Variants in RHOT2 observed in about 807,000 individuals in gnomAD.
RHOT2 encodes ras homolog family member T2.
In RHOT2, 90 loss-of-function variants were observed where a neutral mutation model predicts 81.6. The ratio of observed to expected loss-of-function variants is 1.10; its 90% CI spans 0.93 to 1.31. The LOEUF (loss-of-function observed/expected upper bound fraction) is 1.31. Ranked by LOEUF, RHOT2 falls within the 40% of genes most tolerant of loss-of-function variation. The pLI, the probability that RHOT2 is intolerant of heterozygous loss-of-function variation, is 0.00. For synonymous variants in RHOT2, 512 were observed against 370.9 expected (o/e 1.38, Z -4.37); for missense variants, 1,014 against 841.9 (o/e 1.20, Z -2.53).
intron 4 of RHOT2, chr16:669,146 C>G (rs1031701723): frequency 2.6e-6 from 1 of 386,928 alleles, no homozygotes; most frequent in African/African-American, 2.1e-5. Context: ...GGTCCTGTCA[C>G]TCTGTCTGTA....
intron 16 of RHOT2, 44 bp downstream of exon 16, chr16:672,610 G>T (rs759817228): frequency 6.2e-7 from 1 of 1,610,384 alleles, no homozygotes; most frequent in East Asian, 2.2e-5. Context: ...GGTGGACCCG[G>T]GGACACCCAG....
In RHOT2 at chr16:670,481, T is replaced by C. The variant is rs955413522; in HGVS notation, c.464T>C (p.Ile155Thr). ...VECSAKNLRN[I>T]SELFYYAQKA... ...TGTTCGGCCAAGAACCTGAGGAACA[T>C]CTCAGAGCTGTTCTACTACGCCCAG... Residue 155 changes from isoleucine (I) to threonine (T), a missense_variant, in exon 8 of 19, where the codon ATC (isoleucine) becomes ACC (threonine). Coordinates refer to ENST00000315082, the MANE Select transcript of RHOT2 (RefSeq NM_138769.3). 9 of 1,608,082 alleles carry C rather than the reference T, an allele frequency of 5.6e-6. No homozygotes were observed. Among genetic ancestry groups the C allele is most frequent in the Non-Finnish European group, 7.6e-6 (9 of 1,177,390 alleles).
intron 11 of RHOT2, 36 bp from the exon 12 acceptor site, chr16:671,661 C>T (rs543016065): frequency 1.3e-6 from 2 of 1,597,210 alleles, no homozygotes; most frequent in East Asian, 2.2e-5. Context: ...GCTGCAGAGT[C>T]TCCTGGGAGC....
At position 671,798 on chromosome 16, in the gene RHOT2, T is replaced by TCTCCTG. The variant is rs1567250931; in HGVS notation, c.954+18_954+19insTCCTGC. 6.4e-7 allele frequency: 1 copy of TCTCCTG among 1,553,152 alleles called. No individual in the cohort carries two copies. Among genetic ancestry groups the TCTCCTG allele is most frequent in the African/African-American group, 1.4e-5 (1 of 70,370 alleles). On this transcript the variant is annotated intron_variant, in intron 12 of 18. Transcript: ENST00000315082. ...CACGACCAGGTGAGAGCATGGCGAG[T>TCTCCTG]CCCCTGCCCCTGCCCCCGCCCCCTC...
At position 672,189 on chromosome 16, in the gene RHOT2, C is replaced by T. The variant is rs768966552; in HGVS notation, c.1195+8C>T. Reference sequence around the variant, plus strand: ...AGGCCCATGCCATCACAGGTAGGCACCCACCCTCCCTGGGCCTGGGCCCAG... The same window carrying T: ...AGGCCCATGCCATCACAGGTAGGCATCCACCCTCCCTGGGCCTGGGCCCAG... On this transcript the variant is annotated splice_region_variant and intron_variant, in intron 14 of 18. Transcript: ENST00000315082. The T allele has an allele frequency of 1.9e-6, 3 of 1,612,680 alleles. No homozygotes were observed. The highest frequency in any genetic ancestry group is 1.1e-5 in the South Asian group (1 of 91,080).
chr16:671,697 G>T lies in RHOT2; in HGVS notation c.870G>T (p.Leu290=). Residue 290 remains leucine, a splice_region_variant and synonymous_variant, in exon 12 of 19, where the codon CTG becomes CTT. Coordinates refer to ENST00000315082, the MANE Select transcript of RHOT2 (RefSeq NM_138769.3). ...LELTADYLSP[L]IHVPPGCSTE... ...TAGACGGGCTGTGGCCTCCCTGCAG[G>T]ATCCACGTGCCCCCCGGCTGCAGCA... The T allele has an allele frequency of 6.2e-7, 1 of 1,611,784 alleles. No homozygotes were observed. The highest frequency in any genetic ancestry group is 8.5e-7 in the Non-Finnish European group (1 of 1,179,304).
At position 669,549 on chromosome 16, in the gene RHOT2, T is replaced by C; in HGVS notation, c.223-4T>C. On this transcript the variant is annotated splice_region_variant and splice_polypyrimidine_tract_variant and intron_variant, in intron 4 of 18. Coordinates refer to ENST00000315082, the MANE Select transcript of RHOT2 (RefSeq NM_138769.3). The stretch of plus-strand genomic sequence containing the variant: ...TCACCCACACCTCATCACTGTTCCC[T>C]CAGGCAAACGTGGTGTGTGTGGTGT... 6.2e-7 allele frequency: 1 copy of C among 1,611,734 alleles called. No homozygotes were observed. Among genetic ancestry groups the C allele is most frequent in the South Asian group, 1.1e-5 (1 of 90,912 alleles).
Position 672,178 on chromosome 16 carries a change from A to C in RHOT2, c.1192A>C (p.Thr398Pro). 6.2e-7 allele frequency: 1 copy of C among 1,612,532 alleles called. No homozygotes were observed. The highest frequency in any genetic ancestry group is 8.5e-7 in the Non-Finnish European group (1 of 1,179,892). The change falls in exon 14 of 19, where the codon ACA (threonine) becomes CCA (proline). Residue 398 changes from threonine to proline, a missense_variant. Transcript: ENST00000315082. ...TGAGCAGGACCAGGCCCATGCCATCACAGGTAGGCACCCACCCTCCCTGGG... is the reference window on the plus strand; with the variant it reads ...TGAGCAGGACCAGGCCCATGCCATCCCAGGTAGGCACCCACCCTCCCTGGG... Reference protein sequence around the residue: ...LCEQDQAHAITVTREKRLDQE... With the variant: ...LCEQDQAHAIPVTREKRLDQE...
chr16:673,263 G>A (rs1277240713), intron 18 of RHOT2, 133 bp downstream of exon 18: 2 of 1,274,176 alleles, frequency 1.6e-6, no homozygotes, highest in South Asian at 2.5e-5. Flanking sequence ...GTGGCGTCAG[G>A]CCTGGAACTG....
Position 671,922 on chromosome 16 carries a change from G to T in RHOT2, c.1017G>T (p.Ala339=), listed in dbSNP as rs201093612. 1 of 1,610,112 alleles carries T rather than the reference G, an allele frequency of 6.2e-7. No homozygotes were observed. Among genetic ancestry groups the T allele is most frequent in the African/African-American group, 1.3e-5 (1 of 74,200 alleles). ...LQSLFSVFPA[A]PWGPELPRTV... ...GCCTTTTCAGTGTGTTCCCAGCAGC[G>T]CCCTGGGGCCCCGAGCTCCCACGCA... Residue 339 remains alanine (A), a synonymous_variant, in exon 13 of 19, where the codon GCG becomes GCT. Coordinates refer to ENST00000315082, the MANE Select transcript of RHOT2 (RefSeq NM_138769.3).
rs1330292402 is a variant in RHOT2 at position 673,981 on chromosome 16, C to T, written c.*375C>T. ...CCCCCCTTTCCTGGTCCTAGGTGGCCAGTGGGTATGAGGAGGGCTGGAAGG... is the reference window on the plus strand; with the variant it reads ...CCCCCCTTTCCTGGTCCTAGGTGGCTAGTGGGTATGAGGAGGGCTGGAAGG... On this transcript the variant is annotated 3_prime_UTR_variant, in exon 19 of 19. Coordinates refer to ENST00000315082, the MANE Select transcript of RHOT2 (RefSeq NM_138769.3). 6 of 448,828 alleles carry T rather than the reference C, an allele frequency of 1.3e-5. No individual in the cohort carries two copies. Among genetic ancestry groups the T allele is most frequent in the Non-Finnish European group, 2.6e-5 (6 of 229,326 alleles). The allele number at this position is 448,828 out of a possible 1,614,324, so 27.8% of individuals were successfully genotyped here. A position where few individuals can be genotyped will look rare whatever the true frequency, so the allele number is the denominator to read the frequency against.
chr16:668,520 C>G lies in RHOT2; in HGVS notation c.129C>G (p.Pro43=). The G allele has an allele frequency of 1.2e-6, 2 of 1,610,212 alleles. No individual in the cohort carries two copies. The highest frequency in any genetic ancestry group is 1.7e-6 in the Non-Finnish European group (2 of 1,178,914). The change falls in exon 3 of 19, where the codon CCC becomes CCG. Residue 43 remains proline (P), a synonymous_variant. Coordinates refer to ENST00000315082, the MANE Select transcript of RHOT2 (RefSeq NM_138769.3). ...VPPRAEEITI[P]ADVTPEKVPT... ...CCCGCGCGGAGGAGATCACCATCCC[C>G]GCGGACGTCACCCCGGAGAAGGTGC...
rs1050519535 is a variant in RHOT2, at chr16:671,450, C to T, written c.869+247C>T. ...CCCTTTGCCAACCCCGCTCGCGTGG[C>T]TTGTTTACCCTGCTGGGGTCGGCAG... On this transcript the variant is annotated intron_variant, in intron 11 of 18. Coordinates refer to ENST00000315082, the MANE Select transcript of RHOT2 (RefSeq NM_138769.3). The T allele has an allele frequency of 3.5e-5, 25 of 704,448 alleles. No homozygotes were observed. In the Admixed American group the frequency reaches 5.2e-4, roughly 15 times the overall value. 43.6% of individuals were successfully genotyped at this position (704,448 alleles called of 1,614,324 possible).
At position 672,549 on chromosome 16, in the gene RHOT2, C is replaced by A. The variant is rs1484897996; in HGVS notation, c.1387C>A (p.Gln463Lys). 6.2e-7 allele frequency: 1 copy of A among 1,612,434 alleles called. No homozygotes were observed. The highest frequency in any genetic ancestry group is 1.3e-5 in the African/African-American group (1 of 74,930). Residue 463 changes from glutamine (Q) to lysine (K), a missense_variant, in exon 16 of 19, where the codon CAG becomes AAG. Coordinates refer to ENST00000315082, the MANE Select transcript of RHOT2 (RefSeq NM_138769.3). ...CATCGACACGGTGCAGGTCAATGGACAGGAGAAGTACTTGATCGTGAGTGC... is the reference window on the plus strand; with the variant it reads ...CATCGACACGGTGCAGGTCAATGGAAAGGAGAAGTACTTGATCGTGAGTGC... ...YAIDTVQVNG[Q>K]EKYLILCEVG...
In RHOT2 at chr16:672,373, C is replaced by T. The variant is rs533509782; in HGVS notation, c.1315C>T (p.Arg439Cys). The T allele has an allele frequency of 8.1e-6, 13 of 1,610,214 alleles. No homozygotes were observed. In the East Asian group the frequency reaches 8.9e-5, roughly 11 times the overall value. ...TGCCTTCCTGCAGGCCTTTCTCGGC[C>T]GCGGCCTGGGGGTAAGCACCCTAGA... ...KSAFLQAFLGRGLGHQDTREQ... is the reference protein window; with the variant it reads ...KSAFLQAFLGCGLGHQDTREQ... The change falls in exon 15 of 19, where the codon CGC becomes TGC. Residue 439 changes from arginine (R) to cysteine (C), a missense_variant. Arg to Cys is a radical substitution (Grantham distance 180, BLOSUM62 -3). Transcript: ENST00000315082.
Position 672,170 on chromosome 16 carries a change from A to AT in RHOT2, c.1185dup (p.Ala396CysfsTer7). ...ACCCTCTGTGAGCAGGACCAGGCCC[A>AT]TGCCATCACAGGTAGGCACCCACCC... On this transcript the variant is annotated frameshift_variant, in exon 14 of 19. Coordinates refer to ENST00000315082, the MANE Select transcript of RHOT2 (RefSeq NM_138769.3). LOFTEE classifies it high-confidence loss of function. 1 of 1,612,462 alleles carries AT rather than the reference A, an allele frequency of 6.2e-7. No homozygotes were observed.
At chr16:672,428 C>A (rs1386618126) in intron 15 of RHOT2, 44 bp downstream of exon 15, 2 of 1,607,860 alleles carry the variant, frequency 1.2e-6, no homozygotes, top group Non-Finnish European at 1.7e-6. Flanking sequence ...GCTCCAGGGG[C>A]AGGGCAGGGC....
chr16:672,414 A>C, intron 15 of RHOT2, 30 bp downstream of exon 15: 1 of 1,602,260 alleles, frequency 6.2e-7, no homozygotes, highest in South Asian at 1.1e-5. Context: ...CCACCACCCC[A>C]GGGGCTCCAG....
chr16:671,067 C>G lies in RHOT2; in HGVS notation c.749-16C>G, dbSNP rs200255907. 3 of 1,608,850 alleles carry G rather than the reference C, an allele frequency of 1.9e-6. No homozygotes were observed. Among genetic ancestry groups the G allele is most frequent in the Non-Finnish European group, 1.7e-6 (2 of 1,179,716 alleles). On this transcript the variant is annotated splice_polypyrimidine_tract_variant and intron_variant, in intron 10 of 18. Transcript: ENST00000315082. ...GGGGCTGTGCCTGGTGCTCCCCCTGCTTTGTCTCGGTGCAGGTTTCCTCTT... is the reference window on the plus strand; with the variant it reads ...GGGGCTGTGCCTGGTGCTCCCCCTGGTTTGTCTCGGTGCAGGTTTCCTCTT...
Sources: allele counts gnomAD v4.1 joint callset, GRCh38; gene constraint gnomAD v4.1.1; transcripts MANE v1.5; gene names NCBI Gene and HGNC (gene_info 2026-07-23, HGNC 2026-07-21).